The following NFIC variants were observed in gnomAD, a reference collection of about 807,000 sequenced individuals.
NFIC encodes the protein nuclear factor I C.
Under a neutral mutation model 54.4 loss-of-function variants are expected in NFIC, and 12 were observed. The ratio of observed to expected loss-of-function variants is 0.22; its 90% CI spans 0.14 to 0.36. The LOEUF (loss-of-function observed/expected upper bound fraction) is 0.36, where lower values mean the gene tolerates loss of function less well. Among genes scored for constraint, NFIC ranks in the 10% least tolerant of loss-of-function variants. The pLI is 1.00. For missense variants in NFIC, 575 were observed against 718.2 expected (o/e 0.80, Z 2.28); for synonymous variants, 322 against 319.2 (o/e 1.01, Z -0.09).
intron 2 of NFIC, among the ~76,000 whole-genome samples, chr19:3,395,236 G>A (rs1220568208): frequency 2.0e-5 from 3 of 152,106 alleles, no homozygotes; most frequent in Non-Finnish European, 4.4e-5. Flanking sequence ...GTGCACACCT[G>A]TAATCCCAGC....
At position 3,452,753 on chromosome 19, in the gene NFIC, C is replaced by T. The variant is rs1409902512; in HGVS notation, c.1269+87C>T. 6.8e-7 allele frequency: 1 copy of T among 1,468,688 alleles called. No individual in the cohort carries two copies. Among genetic ancestry groups the T allele is most frequent in the Non-Finnish European group, 9.1e-7 (1 of 1,098,204 alleles). The allele number at this position is 1,468,688 out of a possible 1,614,324, so 91.0% of individuals were successfully genotyped here. On this transcript the variant is annotated intron_variant, in intron 8 of 10. Transcript: ENST00000443272. The surrounding 1 kb of genome is among the most constrained non-coding windows in gnomAD (Gnocchi z 5.3). ...ACGTGCTCACACGAAGGCACAACCT[C>T]TGCTTAAAAGGGTCTTGAGGACTTG... is the stretch of plus-strand genomic sequence containing the variant.
chr19:3,390,649 C>T (rs2081362688), intron 2 of NFIC, among the ~76,000 whole-genome samples: 1 of 152,104 alleles, frequency 6.6e-6, no homozygotes, highest in Non-Finnish European at 1.5e-5. Context: ...AGGACAGGGC[C>T]TGGTATACAG....
At chr19:3,383,859 C>T (rs961459372) in intron 2 of NFIC, among the ~76,000 whole-genome samples, 1 of 152,186 alleles carries the variant, frequency 6.6e-6, no homozygotes, top group South Asian at 2.1e-4. Flanking sequence ...CCAGACTGCC[C>T]ATGCTCCAGA....
intron 1 of NFIC, among the ~76,000 whole-genome samples, chr19:3,379,825 G>A (rs1043121834): frequency 3.4e-4 from 52 of 151,684 alleles, no homozygotes; most frequent in Middle Eastern, 3.4e-3. Flanking sequence ...AAGTAGTTGG[G>A]ACTGCAGGTA....
intron 3 of NFIC, 96 bp from the exon 4 acceptor site, chr19:3,433,422 C>T: frequency 7.5e-7 from 1 of 1,329,302 alleles, no homozygotes; most frequent in South Asian, 1.2e-5. Flanking sequence ...AACGTCCAGG[C>T]TCGGGCCAGC....
At chr19:3,377,710 C>T (rs889103610) in intron 1 of NFIC, among the ~76,000 whole-genome samples, 1 of 152,054 alleles carries the variant, frequency 6.6e-6, no homozygotes, top group African/African-American at 2.4e-5. Context: ...CTCTGAGGCT[C>T]AAGTGATCCT....
intron 1 of NFIC, among the ~76,000 whole-genome samples, chr19:3,367,399 A>T (rs1555737898): frequency 6.6e-6 from 1 of 151,392 alleles, no homozygotes; most frequent in Non-Finnish European, 1.5e-5. Context: ...GAGGAGCGGG[A>T]GGCCCGGCGC....
chr19:3,445,179 GCACACACATGCATGTATTCACATGCACA>G (rs1359794651), intron 6 of NFIC, among the ~76,000 whole-genome samples: 1 of 151,846 alleles, frequency 6.6e-6, no homozygotes, highest in Non-Finnish European at 1.5e-5. Flanking sequence ...ATACATGCAC[GCACACACATGCATGTATTCACATGCACA>G]CACACACGTG....
At chr19:3,395,458 G>A (rs960812921) in intron 2 of NFIC, among the ~76,000 whole-genome samples, 2 of 141,480 alleles carry the variant, frequency 1.4e-5, no homozygotes, top group South Asian at 4.6e-4. Context: ...TAAGTCGCTG[G>A]GGCTGGGATT....
chr19:3,425,388 C>A (rs796985492), intron 3 of NFIC, among the ~76,000 whole-genome samples: 1 of 152,330 alleles, frequency 6.6e-6, no homozygotes, highest in East Asian at 1.9e-4. Flanking sequence ...GGTGCTCACC[C>A]CATGGGAGAC....
chr19:3,441,990 C>A (rs943899496), intron 6 of NFIC, among the ~76,000 whole-genome samples: 1 of 152,210 alleles, frequency 6.6e-6, no homozygotes, highest in Non-Finnish European at 1.5e-5. Flanking sequence ...CTTCCTCTGG[C>A]GGACTCGGGG....
intron 2 of NFIC, among the ~76,000 whole-genome samples, chr19:3,393,572 T>C (rs571818728): frequency 1.3e-5 from 2 of 151,728 alleles, no homozygotes; most frequent in South Asian, 2.1e-4. Flanking sequence ...CCCAGCACTT[T>C]GGGAGACCGA....
At chr19:3,408,513 C>T (rs2081694099) in intron 2 of NFIC, among the ~76,000 whole-genome samples, 1 of 152,182 alleles carries the variant, frequency 6.6e-6, no homozygotes, top group Admixed American at 6.5e-5. Context: ...ACTGTCATAG[C>T]TCATCGCAGC....
intron 2 of NFIC, among the ~76,000 whole-genome samples, chr19:3,387,311 G>A (rs995935801): frequency 3.3e-5 from 5 of 152,294 alleles, no homozygotes; most frequent in Admixed American, 2.6e-4. Context: ...AGGCCAGCCT[G>A]GCCAACATGG....
chr19:3,424,415 C>A (rs1056586877), intron 2 of NFIC, among the ~76,000 whole-genome samples: 1 of 152,006 alleles, frequency 6.6e-6, no homozygotes, highest in Non-Finnish European at 1.5e-5. Context: ...CAACTCCAGT[C>A]GCCCAGACTG....
At chr19:3,380,481 AT>A (rs2081188677) in intron 1 of NFIC, among the ~76,000 whole-genome samples, 1 of 150,758 alleles carries the variant, frequency 6.6e-6, no homozygotes, top group Non-Finnish European at 1.5e-5. Context: ...GTGCTCCAAT[AT>A]GCCTGGCTAC....
At chr19:3,451,803 T>G (rs559127318) in intron 7 of NFIC, among the ~76,000 whole-genome samples, 38 of 130,104 alleles carry the variant, frequency 2.9e-4, no homozygotes, top group African/African-American at 1.0e-3. Context: ...CACCCTGTCA[T>G]CCTCTGTTTA....
At chr19:3,410,145 A>T (rs986950574) in intron 2 of NFIC, among the ~76,000 whole-genome samples, 3 of 151,756 alleles carry the variant, frequency 2.0e-5, no homozygotes, top group South Asian at 2.1e-4. Context: ...GGTTCACGCC[A>T]TTCTCCTGCC....
At chr19:3,366,967 C>CA (rs144000973) in intron 1 of NFIC, among the ~76,000 whole-genome samples, 14,827 of 150,668 alleles carry the variant, frequency 0.098, 862 homozygotes, top group Non-Finnish European at 0.11. Flanking sequence ...CGTCCCCCCC[C>CA]CACACACCGA....
Sources: allele counts gnomAD v4.1 joint callset (sites outside exome capture counted in the v4.1 genomes callset), GRCh38; gene constraint gnomAD v4.1.1; non-coding constraint Gnocchi (gnomAD v3.1); transcripts MANE v1.5; gene names NCBI Gene and HGNC (gene_info 2026-07-23, HGNC 2026-07-21).